The following ADGRB3 variants were observed in gnomAD, a reference collection of about 807,000 sequenced individuals.
ADGRB3 encodes the protein brain-specific angiogenesis inhibitor 3.
A neutral mutation model predicts 193.4 loss-of-function variants in ADGRB3; 37 were observed. That is an observed-to-expected ratio of 0.19 (90% CI 0.15 to 0.25). The LOEUF (loss-of-function observed/expected upper bound fraction) is 0.25. Ranked by LOEUF, ADGRB3 falls within the 10% of genes least tolerant of loss-of-function variation. The pLI, the probability that ADGRB3 is intolerant of heterozygous loss-of-function variation, is 1.00. For missense variants in ADGRB3, 1,637 were observed against 1,852.9 expected (o/e 0.88, Z 2.14); for synonymous variants, 690 against 644.2 (o/e 1.07, Z -1.08).
chr6:68,705,224 A>G (rs1765304894), intron 3 of ADGRB3, among the ~76,000 whole-genome samples: 1 of 152,198 alleles, frequency 6.6e-6, no homozygotes, highest in South Asian at 2.1e-4. Flanking sequence ...GTAACACTCA[A>G]TATAATGTTT....
chr6:68,804,456 T>C (rs1348305335), intron 3 of ADGRB3, among the ~76,000 whole-genome samples: 1 of 152,244 alleles, frequency 6.6e-6, no homozygotes, highest in African/African-American at 2.4e-5. Flanking sequence ...TAGAAGTATT[T>C]TTTTTAAAAA....
At chr6:69,095,304 T>C (rs1475267959) in intron 17 of ADGRB3, among the ~76,000 whole-genome samples, 1 of 146,772 alleles carries the variant, frequency 6.8e-6, no homozygotes, top group African/African-American at 2.5e-5. Context: ...AACTTGATCA[T>C]GGGAGGCCTT....
chr6:68,681,722 A>C (rs1764900369), intron 3 of ADGRB3, among the ~76,000 whole-genome samples: 1 of 135,942 alleles, frequency 7.4e-6, no homozygotes, highest in Non-Finnish European at 1.5e-5. Context: ...CATCAAAAAC[A>C]ACAAAAATTA....
intron 17 of ADGRB3, among the ~76,000 whole-genome samples, chr6:69,136,873 AAC>A (rs1232598007): frequency 2.6e-5 from 4 of 152,034 alleles, no homozygotes; most frequent in Non-Finnish European, 5.9e-5. Context: ...TGTTTGTATA[AAC>A]ACATTACCTA....
At chr6:69,216,518 C>A (rs574428556) in intron 17 of ADGRB3, among the ~76,000 whole-genome samples, 1 of 152,210 alleles carries the variant, frequency 6.6e-6, no homozygotes, top group Non-Finnish European at 1.5e-5. Context: ...CTGAGCAACA[C>A]CCACAGGTAA....
chr6:69,357,638 T>A (rs552260298), intron 28 of ADGRB3, among the ~76,000 whole-genome samples: 5 of 151,986 alleles, frequency 3.3e-5, no homozygotes, highest in African/African-American at 1.2e-4. Context: ...TCAGGTCCTG[T>A]CATGATCACA....
intron 13 of ADGRB3, among the ~76,000 whole-genome samples, chr6:69,030,979 T>C (rs1005174959): frequency 1.3e-5 from 1 of 78,218 alleles, no homozygotes; most frequent in Non-Finnish European, 2.8e-5. Context: ...TTCTTTTCTT[T>C]TCTTTTCTTT....
At chr6:68,973,488 T>C (rs1438598755) in intron 8 of ADGRB3, among the ~76,000 whole-genome samples, 1 of 152,262 alleles carries the variant, frequency 6.6e-6, no homozygotes, top group Non-Finnish European at 1.5e-5. Context: ...ATGGAATTGG[T>C]ATCAGTAGAA....
intron 3 of ADGRB3, among the ~76,000 whole-genome samples, chr6:68,662,458 A>G (rs777576289): frequency 6.6e-6 from 1 of 151,596 alleles, no homozygotes; most frequent in Non-Finnish European, 1.5e-5. Context: ...AAATCAGAAT[A>G]CTGAGGCTTA....
chr6:68,710,951 A>G lies in ADGRB3; in HGVS notation c.757+71519A>G, dbSNP rs555444990. Among the ~76,000 whole-genome samples, 8 of 152,176 alleles carry G rather than the reference A, an allele frequency of 5.3e-5. No individual in the cohort carries two copies. The East Asian group carries it at 1.4e-3, about 26-fold the overall frequency. On this transcript the variant is annotated intron_variant, in intron 3 of 31. Coordinates refer to ENST00000370598, the MANE Select transcript of ADGRB3 (RefSeq NM_001704.3). ...TCCTCCCATTTCTTGAAATAATCAA[A>G]AGACTTTGGTGGGGAAATGTTCCCT...
chr6:69,099,862 C>T (rs1041324321), intron 17 of ADGRB3, among the ~76,000 whole-genome samples: 2 of 152,126 alleles, frequency 1.3e-5, no homozygotes. Context: ...AGGCTTAATG[C>T]CATTACTCAC....
intron 3 of ADGRB3, among the ~76,000 whole-genome samples, chr6:68,842,123 T>C (rs147520551): frequency 6.6e-6 from 1 of 152,090 alleles, no homozygotes; most frequent in Non-Finnish European, 1.5e-5. Flanking sequence ...AAGTATTTCA[T>C]TTAACATATA....
intron 15 of ADGRB3, among the ~76,000 whole-genome samples, chr6:69,059,746 T>C (rs1249464207): frequency 6.6e-6 from 1 of 152,136 alleles, no homozygotes; most frequent in East Asian, 1.9e-4. Flanking sequence ...TTTTGTACAC[T>C]ATACACTTTT....
intron 17 of ADGRB3, among the ~76,000 whole-genome samples, chr6:69,117,422 T>C (rs959913859): frequency 1.1e-4 from 16 of 152,328 alleles, no homozygotes; most frequent in African/African-American, 3.6e-4. Context: ...TTTGTGGCTC[T>C]CAGGCTATCA....
chr6:68,677,521 C>CTTTTTTTTTTTTTTTTTTTTTTTTT (rs1002070733), intron 3 of ADGRB3, among the ~76,000 whole-genome samples: 2 of 120,336 alleles, frequency 1.7e-5, no homozygotes, highest in Non-Finnish European at 3.4e-5. Flanking sequence ...TTCTTTTTTT[C>CTTTTTTTTTTTTTTTTTTTTTTTTT]TTTTTTTTTT....
intron 3 of ADGRB3, among the ~76,000 whole-genome samples, chr6:68,735,206 A>T (rs904460927): frequency 6.6e-6 from 1 of 152,044 alleles, no homozygotes; most frequent in Non-Finnish European, 1.5e-5. Flanking sequence ...CGAATGAATG[A>T]ATAATTAAGT....
At chr6:69,279,546 G>C (rs1767388663) in intron 20 of ADGRB3, among the ~76,000 whole-genome samples, 2 of 152,010 alleles carry the variant, frequency 1.3e-5, no homozygotes, top group African/African-American at 4.8e-5. Flanking sequence ...AGTTGATTCT[G>C]CACTATCAGA....
Position 68,936,293 on chromosome 6 carries a change from A to G in ADGRB3, c.869-226A>G, listed in dbSNP as rs73480143. On this transcript the variant is annotated intron_variant, in intron 4 of 31. Coordinates refer to ENST00000370598, the MANE Select transcript of ADGRB3 (RefSeq NM_001704.3). ...CCATGGTACAGTGTAATTTGTGAAG[A>G]GTATTTTGCTAATAAGGTTATGGCA... 8.0e-3 allele frequency among the ~76,000 whole-genome samples: 1,226 copies of G among 152,318 alleles called. 12 individuals are homozygous for G. Among genetic ancestry groups the G allele is most frequent in the African/African-American group, 0.025 (1,055 of 41,574 alleles).
intron 20 of ADGRB3, among the ~76,000 whole-genome samples, chr6:69,245,546 T>A (rs1766480969): frequency 6.6e-6 from 1 of 152,120 alleles, no homozygotes; most frequent in Non-Finnish European, 1.5e-5. Context: ...TCTATTTTAC[T>A]GACTTTTGTT....
Sources: allele counts gnomAD v4.1 joint callset (sites outside exome capture counted in the v4.1 genomes callset), GRCh38; gene constraint gnomAD v4.1.1; transcripts MANE v1.5; gene names NCBI Gene and HGNC (gene_info 2026-07-23, HGNC 2026-07-21).